The following NLRP4 variants were observed in gnomAD, a reference collection of about 807,000 sequenced individuals.
The protein encoded by NLRP4 is NACHT, LRR and PYD domains-containing protein 4.
In NLRP4, 44 loss-of-function variants were observed where a neutral mutation model predicts 84.7. That is an observed-to-expected ratio of 0.52 (90% CI 0.41 to 0.67). The LOEUF is 0.67. NLRP4 is among the 30% of genes least tolerant of loss of function. The probability of loss-of-function intolerance (pLI) is 0.00; values close to 1 mark genes in which losing one functional copy is unlikely to be tolerated. For synonymous variants in NLRP4, 544 were observed against 476.4 expected (o/e 1.14, Z -1.85); for missense variants, 1,260 against 1,219.4 (o/e 1.03, Z -0.50).
intron 2 of NLRP4, among the ~76,000 whole-genome samples, chr19:55,856,143 A>G (rs1984401930): frequency 6.6e-6 from 1 of 152,092 alleles, no homozygotes; most frequent in Non-Finnish European, 1.5e-5. Flanking sequence ...ATAGGCCTGT[A>G]CCACCACGCC....
At chr19:55,873,895 C>A (rs1045661505) in intron 7 of NLRP4, among the ~76,000 whole-genome samples, 2 of 151,838 alleles carry the variant, frequency 1.3e-5, no homozygotes, top group African/African-American at 4.8e-5. Context: ...AAGGAATATA[C>A]TTTGCAACAA....
In NLRP4 at chr19:55,877,166, GGT is replaced by G; in HGVS notation, c.2696+2_2696+3del. 1 of 1,613,004 alleles carries G rather than the reference GGT, an allele frequency of 6.2e-7. No homozygotes were observed. Among genetic ancestry groups the G allele is most frequent in the Non-Finnish European group, 8.5e-7 (1 of 1,179,158 alleles). Reference sequence around the variant, plus strand: ...ACGGATTGCCGCTTAGAGATTCTTGGGTGGGTATCGCCAAGCTCCTGGTTATG... The same window carrying G: ...ACGGATTGCCGCTTAGAGATTCTTGGGGGTATCGCCAAGCTCCTGGTTATG... On this transcript the variant is annotated splice_donor_variant, in intron 8 of 9. Coordinates refer to ENST00000301295, the MANE Select transcript of NLRP4 (RefSeq NM_134444.5). LOFTEE classifies it high-confidence loss of function.
intron 1 of NLRP4, among the ~76,000 whole-genome samples, chr19:55,849,360 C>G (rs192601140): frequency 6.6e-6 from 1 of 152,110 alleles, no homozygotes; most frequent in Non-Finnish European, 1.5e-5. Flanking sequence ...GTAACAGTAC[C>G]GTAGACTAAG....
intron 1 of NLRP4, among the ~76,000 whole-genome samples, chr19:55,844,879 G>A (rs536166145): frequency 5.3e-5 from 8 of 152,178 alleles, no homozygotes; most frequent in South Asian, 4.2e-4. Context: ...GTGTGTGTGC[G>A]TGTGTGTATG....
At chr19:55,876,795 A>AT (rs1359832457) in intron 7 of NLRP4, among the ~76,000 whole-genome samples, 1 of 151,958 alleles carries the variant, frequency 6.6e-6, no homozygotes, top group African/African-American at 2.4e-5. Context: ...TTTCGTTTGT[A>AT]TTTTTTAGTG....
intron 1 of NLRP4, among the ~76,000 whole-genome samples, chr19:55,839,881 G>A (rs1983540008): frequency 6.6e-6 from 1 of 152,022 alleles, no homozygotes; most frequent in African/African-American, 2.4e-5. Context: ...TCCTGATTTA[G>A]CTGTATTTCA....
intron 5 of NLRP4, among the ~76,000 whole-genome samples, chr19:55,864,350 C>A (rs1984874338): frequency 6.6e-6 from 1 of 152,232 alleles, no homozygotes; most frequent in South Asian, 2.1e-4. Flanking sequence ...CTTACTTTCA[C>A]TTAGCAAAAT....
At chr19:55,866,625 G>A (rs954454755) in intron 5 of NLRP4, among the ~76,000 whole-genome samples, 13 of 152,166 alleles carry the variant, frequency 8.5e-5, no homozygotes, top group African/African-American at 2.4e-4. Context: ...TAGGGGACTC[G>A]GGTTCAAGGC....
rs1026450805 is a variant in NLRP4, at chr19:55,858,179, C to G, written c.786C>G (p.Ser262Arg). The change falls in exon 3 of 10, where the codon AGC becomes AGG. Residue 262 changes from serine to arginine, a missense_variant. Physicochemically the swap from Ser to Arg is moderately radical, Grantham distance 110. Around this residue, in one of 3 missense-constraint regions of NLRP4, gnomAD observed 712 missense variants for 669.2 expected, o/e 1.06. Coordinates refer to ENST00000301295, the MANE Select transcript of NLRP4 (RefSeq NM_134444.5). The surrounding 1 kb of genome is among the most constrained non-coding windows in gnomAD (Gnocchi z 4.2). The stretch of plus-strand genomic sequence containing the variant: ...AACGGCCGGTGCAGGTGCTTCTGAG[C>G]AGTTTGCTGAGGAAGAAGATGCTCC... ...MEKRPVQVLL[S>R]SLLRKKMLPE... 8.7e-6 allele frequency: 14 copies of G among 1,614,038 alleles called. No homozygotes were observed. Among genetic ancestry groups the G allele is most frequent in the Non-Finnish European group, 1.2e-5 (14 of 1,180,034 alleles).
intron 9 of NLRP4, among the ~76,000 whole-genome samples, chr19:55,879,992 A>G (rs765077214): frequency 1.3e-5 from 2 of 152,118 alleles, no homozygotes; most frequent in African/African-American, 2.4e-5. Flanking sequence ...TCCCACAAAC[A>G]TTATTTTACT....
intron 2 of NLRP4, among the ~76,000 whole-genome samples, chr19:55,854,953 A>G (rs1404936051): frequency 6.6e-6 from 1 of 151,962 alleles, no homozygotes; most frequent in Non-Finnish European, 1.5e-5. Flanking sequence ...TGAACTGCTG[A>G]CCTCCGGTGA....
At chr19:55,865,193 A>G (rs938403421) in intron 5 of NLRP4, among the ~76,000 whole-genome samples, 1 of 152,068 alleles carries the variant, frequency 6.6e-6, no homozygotes, top group African/African-American at 2.4e-5. Context: ...TCATGTCTAT[A>G]TGTACTCAGT....
chr19:55,880,171 AT>A (rs35714851), intron 9 of NLRP4, among the ~76,000 whole-genome samples: 99,319 of 150,890 alleles, frequency 0.66, 32,899 homozygotes, highest in East Asian at 0.81. Flanking sequence ...ACATTCACTG[AT>A]TTTTTTTTTT....
At chr19:55,844,529 G>A (rs1983720496) in intron 1 of NLRP4, among the ~76,000 whole-genome samples, 1 of 152,072 alleles carries the variant, frequency 6.6e-6, no homozygotes, top group Non-Finnish European at 1.5e-5. Context: ...GCCCACCTTG[G>A]CCTCCCAAAG....
At position 55,877,022 on chromosome 19, in the gene NLRP4, C is replaced by T. The variant is rs1202131002; in HGVS notation, c.2552C>T (p.Ala851Val). The T allele has an allele frequency of 1.2e-6, 2 of 1,613,878 alleles. No individual in the cohort carries two copies. Among genetic ancestry groups the T allele is most frequent in the Non-Finnish European group, 1.7e-6 (2 of 1,179,828 alleles). ...LCLVKCFITA[A>V]GCEDLASALI... ...TTGGTAAAATGTTTTATCACTGCTG[C>T]TGGCTGTGAAGACCTCGCCTCTGCT... is the stretch of plus-strand genomic sequence containing the variant. Residue 851 changes from alanine (A) to valine (V), a missense_variant, in exon 8 of 10, where the codon GCT (alanine) becomes GTT (valine). By Grantham distance (64) the Ala-to-Val change is moderately conservative. Transcript: ENST00000301295.
At chr19:55,847,234 C>A (rs1375025791) in intron 1 of NLRP4, among the ~76,000 whole-genome samples, 1 of 152,212 alleles carries the variant, frequency 6.6e-6, no homozygotes, top group South Asian at 2.1e-4. Context: ...TATAACTTAA[C>A]CCTTTTATTG....
rs753505541 is a variant in NLRP4 at position 55,862,068 on chromosome 19, C to T, written c.2095C>T (p.Leu699=). The change falls in exon 5 of 10, where the codon CTG becomes TTG. Residue 699 remains leucine, a synonymous_variant. Coordinates refer to ENST00000301295, the MANE Select transcript of NLRP4 (RefSeq NM_134444.5). Reference sequence around the variant, plus strand: ...CTTTTATCAGCCAGACTTGAAATACCTGAGCTTCACCCTCACGAAACTCTC... The same window carrying T: ...CTTTTATCAGCCAGACTTGAAATACTTGAGCTTCACCCTCACGAAACTCTC... ...VLFYQPDLKY[L]SFTLTKLSRD... 1.9e-6 allele frequency: 3 copies of T among 1,612,344 alleles called. No individual in the cohort carries two copies. Among genetic ancestry groups the T allele is most frequent in the East Asian group, 2.2e-5 (1 of 44,872 alleles).
At chr19:55,840,329 CAT>C (rs1455082524) in intron 1 of NLRP4, among the ~76,000 whole-genome samples, 10 of 138,848 alleles carry the variant, frequency 7.2e-5, no homozygotes, top group African/African-American at 2.1e-4. Context: ...TGTGTATAGA[CAT>C]ATGTGTATGT....
chr19:55,872,308 A>T (rs1248910205), intron 7 of NLRP4, among the ~76,000 whole-genome samples: 1 of 152,198 alleles, frequency 6.6e-6, no homozygotes, highest in Non-Finnish European at 1.5e-5. Flanking sequence ...AGGTAATAGG[A>T]TGACATGATC....
Sources: allele counts gnomAD v4.1 joint callset (sites outside exome capture counted in the v4.1 genomes callset), GRCh38; gene constraint gnomAD v4.1.1; regional missense constraint gnomAD v4.1.1; non-coding constraint Gnocchi (gnomAD v3.1); transcripts MANE v1.5; gene names NCBI Gene and HGNC (gene_info 2026-07-23, HGNC 2026-07-21).